Variants in COL24A1 observed in about 807,000 individuals in gnomAD.
COL24A1 encodes the protein collagen type XXIV alpha 1 chain.
In COL24A1, 224 loss-of-function variants were observed where a neutral mutation model predicts 253.9. The ratio of observed to expected loss-of-function variants is 0.88; its 90% confidence interval spans 0.79 to 0.99. The LOEUF is 0.99. Among genes scored for constraint, COL24A1 ranks in the 50% least tolerant of loss-of-function variants. The pLI is 0.00. For synonymous variants in COL24A1, 685 were observed against 673.7 expected (o/e 1.02, Z -0.26); for missense variants, 2,131 against 2,068.5 (o/e 1.03, Z -0.59).
intron 48 of COL24A1, among the ~76,000 whole-genome samples, chr1:85,784,631 T>C (rs1669486284): frequency 6.6e-6 from 1 of 152,148 alleles, no homozygotes; most frequent in African/African-American, 2.4e-5. Context: ...AGGGGGAACC[T>C]ATAAAACTAG....
At chr1:85,743,553 G>T (rs2100918669) in intron 57 of COL24A1, among the ~76,000 whole-genome samples, 1 of 152,162 alleles carries the variant, frequency 6.6e-6, no homozygotes, top group South Asian at 2.1e-4. Flanking sequence ...GTATTTGGGG[G>T]GCGTAAAGAT....
chr1:85,918,717 T>G (rs1302807103), intron 24 of COL24A1, among the ~76,000 whole-genome samples: 1 of 152,218 alleles, frequency 6.6e-6, no homozygotes, highest in South Asian at 2.1e-4. Flanking sequence ...TATCATGGAT[T>G]GTAAGATACA....
In COL24A1 at chr1:85,850,752, G is replaced by T. The variant is rs548741263; in HGVS notation, c.3301-1346C>A. On this transcript the variant is annotated intron_variant, in intron 37 of 59. Coordinates refer to ENST00000370571, the MANE Select transcript of COL24A1 (RefSeq NM_152890.7). ...CTCAGATTCCTGTTAAATAAAAGAG[G>T]TATAAAAGAACATCTTCAAAGACTA... 1.6e-4 allele frequency among the ~76,000 whole-genome samples: 24 copies of T among 152,082 alleles called. No homozygotes were observed. In the South Asian group the frequency reaches 4.8e-3, roughly 30 times the overall value.
chr1:85,736,529 C>T, intron 58 of COL24A1: 1 of 455,070 alleles, frequency 2.2e-6, no homozygotes, highest in Non-Finnish European at 4.4e-6. Flanking sequence ...ATCCTTCCCT[C>T]TTCTATTTCA....
At chr1:85,922,188 T>C (rs968410438) in intron 24 of COL24A1, among the ~76,000 whole-genome samples, 11 of 152,094 alleles carry the variant, frequency 7.2e-5, no homozygotes, top group African/African-American at 2.2e-4. Flanking sequence ...AAATCTACAT[T>C]TCATTGGTGT....
At chr1:85,905,379 G>A (rs1293539049) in intron 28 of COL24A1, among the ~76,000 whole-genome samples, 1 of 152,034 alleles carries the variant, frequency 6.6e-6, no homozygotes, top group Non-Finnish European at 1.5e-5. Context: ...AGAGAGAAGA[G>A]AGTAAAAATA....
intron 24 of COL24A1, among the ~76,000 whole-genome samples, chr1:85,915,395 C>G (rs1185847240): frequency 6.6e-6 from 1 of 152,188 alleles, no homozygotes; most frequent in Non-Finnish European, 1.5e-5. Context: ...TGGAACTATA[C>G]TGGATTTCTA....
At chr1:85,771,478 C>T (rs1667952075) in intron 53 of COL24A1, among the ~76,000 whole-genome samples, 1 of 152,162 alleles carries the variant, frequency 6.6e-6, no homozygotes, top group South Asian at 2.1e-4. Flanking sequence ...ATATGTGCCA[C>T]ATTTTCTTAA....
chr1:85,745,327 T>A (rs1426121305), intron 56 of COL24A1, 114 bp downstream of exon 56: 3 of 563,832 alleles, frequency 5.3e-6, no homozygotes, highest in Non-Finnish European at 8.9e-6. Flanking sequence ...ACATTTTCAA[T>A]CTGTTTTAAA....
Position 85,868,825 on chromosome 1 carries a change from C to G in COL24A1, c.3149G>C (p.Gly1050Ala). Residue 1050 changes from glycine to alanine, a missense_variant, in exon 36 of 60, where the codon GGA becomes GCA. Gly to Ala is a moderately conservative substitution (Grantham distance 60). Transcript: ENST00000370571. The stretch of plus-strand genomic sequence containing the variant: ...CTGGAGACCTTCTTCTCCAGGAGCT[C>G]CTGGTTCACCCTATTTTGTAGCAGA... ...TGEPGLRGEPGAPGEEGLQGK... is the reference protein window; with the variant it reads ...TGEPGLRGEPAAPGEEGLQGK... 1 of 1,588,350 alleles carries G rather than the reference C, an allele frequency of 6.3e-7. No homozygotes were observed. The highest frequency in any genetic ancestry group is 8.6e-7 in the Non-Finnish European group (1 of 1,168,636).
chr1:85,759,772 G>A lies in COL24A1; in HGVS notation c.4437+1624C>T, dbSNP rs1000897545. 2.0e-5 allele frequency among the ~76,000 whole-genome samples: 3 copies of A among 152,306 alleles called. No homozygotes were observed. In the East Asian group the frequency reaches 5.8e-4, roughly 29 times the overall value. ...TCTCATGTCTTACTCTATTTTGGCT[G>A]TGTAGGAACACATGTATTTTCCAAG... On this transcript the variant is annotated intron_variant, in intron 55 of 59. Transcript: ENST00000370571.
chr1:86,022,492 T>A, intron 17 of COL24A1, 46 bp downstream of exon 17: 1 of 1,516,930 alleles, frequency 6.6e-7, no homozygotes, highest in East Asian at 2.3e-5. Flanking sequence ...TTCTTTTGAA[T>A]TTACACTTTT....
intron 5 of COL24A1, among the ~76,000 whole-genome samples, chr1:86,093,870 C>A (rs181462255): frequency 1.3e-5 from 2 of 152,018 alleles, no homozygotes; most frequent in African/African-American, 4.8e-5. Context: ...TAAATGCAGC[C>A]AACAAGCATA....
rs144806857 is a variant in COL24A1, at chr1:85,978,131, G to A, written c.2365-6738C>T. On this transcript the variant is annotated intron_variant, in intron 20 of 59. Coordinates refer to ENST00000370571, the MANE Select transcript of COL24A1 (RefSeq NM_152890.7). ...AGAATTCTGTATCCAGCAAAATTAA[G>A]CTTCATAAACAAAGGAGAGGTAAAG... Among the ~76,000 whole-genome samples, 29 of 152,246 alleles carry A rather than the reference G, an allele frequency of 1.9e-4. No homozygotes were observed. The East Asian group carries it at 5.0e-3, about 26-fold the overall frequency.
intron 28 of COL24A1, among the ~76,000 whole-genome samples, chr1:85,904,024 G>A (rs532623832): frequency 2.6e-5 from 4 of 152,192 alleles, no homozygotes; most frequent in Admixed American, 2.0e-4. Flanking sequence ...CGAAAATTGA[G>A]GACTGCTTCC....
chr1:86,155,485 C>T (rs1653435018), intron 1 of COL24A1: 1 of 152,550 alleles, frequency 6.6e-6, no homozygotes, highest in Admixed American at 6.5e-5. Flanking sequence ...CCACTGACCT[C>T]TTCCAGGGGG....
At chr1:86,127,723 C>A (rs1434427460) in intron 2 of COL24A1, among the ~76,000 whole-genome samples, 1 of 151,980 alleles carries the variant, frequency 6.6e-6, no homozygotes, top group Non-Finnish European at 1.5e-5. Flanking sequence ...TTGGCATCAC[C>A]TTACTTTTTC....
chr1:85,896,032 G>C lies in COL24A1; in HGVS notation c.2866C>G (p.His956Asp). Residue 956 changes from histidine (H) to aspartate (D), a missense_variant, in exon 30 of 60, where the codon CAT becomes GAT. Transcript: ENST00000370571. Reference protein sequence around the residue: ...EKGDQGKRGPHGLIGKTGNPG... With the variant: ...EKGDQGKRGPDGLIGKTGNPG... ...GTTTTATTACTTACAATAAGACCAT[G>C]AGGCCCTCTTTTTCCTTGATCTCCT... The C allele has an allele frequency of 1.9e-6, 3 of 1,612,350 alleles. No individual in the cohort carries two copies. The highest frequency in any genetic ancestry group is 1.7e-6 in the Non-Finnish European group (2 of 1,179,500).
rs1027427440 is a variant in COL24A1, at chr1:86,126,143, G to C, written c.193C>G (p.Pro65Ala). 1.9e-6 allele frequency: 3 copies of C among 1,610,020 alleles called. No homozygotes were observed. Among genetic ancestry groups the C allele is most frequent in the Non-Finnish European group, 2.5e-6 (3 of 1,178,984 alleles). The change falls in exon 3 of 60, where the codon CCA (proline) becomes GCA (alanine). Residue 65 changes from proline to alanine, a missense_variant. Pro to Ala is a conservative substitution (Grantham distance 27, BLOSUM62 -1). Coordinates refer to ENST00000370571, the MANE Select transcript of COL24A1 (RefSeq NM_152890.7). The part of the protein sequence containing the change: ...VRHSSPATAV[P>A]SASTPLPQGV... ...TGAGGTAACGGTGTAGATGCTGATG[G>C]TACAGCAGTCGCTGGTGATGAGTGT... is the stretch of plus-strand genomic sequence containing the variant.
Sources: gnomAD v4.1 joint callset for allele counts (sites outside exome capture counted in the v4.1 genomes callset) on GRCh38, gnomAD v4.1.1 for gene constraint, MANE v1.5 for transcripts, NCBI Gene and HGNC (gene_info 2026-07-23, HGNC 2026-07-21) for gene names.